The following A2M variants were observed in gnomAD, a reference collection of about 807,000 sequenced individuals.
A2M encodes the protein C3 and PZP-like alpha-2-macroglobulin domain-containing protein 5.
A2M carries 128 observed loss-of-function variants against 183.9 expected under a neutral mutation model. The observed-to-expected ratio is 0.70, with a 90% CI of 0.60 to 0.81. The LOEUF (loss-of-function observed/expected upper bound fraction) is 0.81, where lower values mean the gene tolerates loss of function less well. Ranked by LOEUF, A2M falls within the 30% of genes least tolerant of loss-of-function variation. The pLI is 0.00. For missense variants in A2M, 1,495 were observed against 1,787.6 expected (o/e 0.84, Z 2.95); for synonymous variants, 592 against 670.8 (o/e 0.88, Z 1.81).
intron 24 of A2M, 35 bp from the exon 25 acceptor site, chr12:9,079,366 T>C: frequency 6.5e-7 from 1 of 1,548,364 alleles, no homozygotes. Context: ...GCACAATGGA[T>C]TAATGTGCAT....
intron 1 of A2M, among the ~76,000 whole-genome samples, chr12:9,113,913 C>T (rs918221214): frequency 4.6e-5 from 7 of 152,112 alleles, no homozygotes; most frequent in African/African-American, 1.4e-4. Flanking sequence ...CTCAGTCATG[C>T]GGACATTACA....
Position 9,112,396 on chromosome 12 carries a change from G to T in A2M, c.411C>A (p.Ile137=), listed in dbSNP as rs369597786. The T allele has an allele frequency of 1.7e-5, 27 of 1,613,770 alleles. No individual in the cohort carries two copies. Among genetic ancestry groups the T allele is most frequent in the Non-Finnish European group, 3.4e-6 (4 of 1,179,820 alleles). Residue 137 remains isoleucine, a synonymous_variant, in exon 3 of 36, where the codon ATC becomes ATA. Transcript: ENST00000318602. ...SLVFVQTDKS[I]YKPGQTVKFR... is the part of the protein sequence containing the mutation. ...TCATACCTGTCTGCCCTGGTTTGTAGATTGATTTGTCTGTCTGGACAAAGA... is the reference window on the plus strand; with the variant it reads ...TCATACCTGTCTGCCCTGGTTTGTATATTGATTTGTCTGTCTGGACAAAGA...
Position 9,068,214 on chromosome 12 carries a change from T to G in A2M, c.4377A>C (p.Ala1459=). The G allele has an allele frequency of 6.2e-7, 1 of 1,608,906 alleles. No homozygotes were observed. The part of the protein sequence containing the change: ...VYDYYETDEF[A]IAEYNAPCSK... ...TGCAAGGAGCATTGTACTCAGCAAT[T>G]GCAAACTCATCTGAAAAAAAAAAAA... The change falls in exon 35 of 36, where the codon GCA becomes GCC. Residue 1459 remains alanine, a synonymous_variant. Coordinates refer to ENST00000318602, the MANE Select transcript of A2M (RefSeq NM_000014.6).
intron 28 of A2M, among the ~76,000 whole-genome samples, chr12:9,075,473 A>G (rs1463516203): frequency 1.3e-5 from 2 of 152,218 alleles, no homozygotes. Context: ...GAGAAACTCG[A>G]TGTGTAAATT....
At position 9,101,587 on chromosome 12, in the gene A2M, A is replaced by G. The variant is rs757177344; in HGVS notation, c.1354T>C (p.Phe452Leu). ...TGGACAAAGCTCTTGCTTGGGGAGAACACAAGATAAGCAGTGTGATGTGCC... is the reference window on the plus strand; with the variant it reads ...TGGACAAAGCTCTTGCTTGGGGAGAGCACAAGATAAGCAGTGTGATGTGCC... ...EEAHHTAYLV[F>L]SPSKSFVHLE... The change falls in exon 12 of 36, where the codon TTC (phenylalanine) becomes CTC (leucine). Residue 452 changes from phenylalanine (F) to leucine (L), a missense_variant. Transcript: ENST00000318602. 9 of 1,614,012 alleles carry G rather than the reference A, an allele frequency of 5.6e-6. No homozygotes were observed. Among genetic ancestry groups the G allele is most frequent in the Non-Finnish European group, 7.6e-6 (9 of 1,179,888 alleles).
At chr12:9,084,622 A>G (rs1257154495) in intron 22 of A2M, among the ~76,000 whole-genome samples, 2 of 152,180 alleles carry the variant, frequency 1.3e-5, no homozygotes, top group East Asian at 1.9e-4. Context: ...AAAGAGGAAC[A>G]AAGAAGCAAA....
At chr12:9,070,339 A>G (rs1056956337) in intron 32 of A2M, 149 bp downstream of exon 32, 1 of 631,540 alleles carries the variant, frequency 1.6e-6, no homozygotes, top group Middle Eastern at 3.0e-4. Context: ...ATTCATACAA[A>G]CACATGTGAT....
chr12:9,099,733 C>T (rs1937677252), intron 13 of A2M, among the ~76,000 whole-genome samples: 1 of 152,162 alleles, frequency 6.6e-6, no homozygotes, highest in Non-Finnish European at 1.5e-5. Context: ...TTCAGCTCAC[C>T]CACCTAATGT....
chr12:9,110,019 C>A lies in A2M; in HGVS notation c.521G>T (p.Arg174Leu), dbSNP rs369574498. ...CTGGAAACTCTGCCATTGTGCGATG[C>A]GATTTCCTTTGGGATCCTATATGAG... ...LVYIQDPKGNRIAQWQSFQLE... is the reference protein window; with the variant it reads ...LVYIQDPKGNLIAQWQSFQLE... Residue 174 changes from arginine (R) to leucine (L), a missense_variant, in exon 6 of 36, where the codon CGC becomes CTC. Physicochemically the swap from Arg to Leu is moderately radical, Grantham distance 102 (BLOSUM62 -2). Coordinates refer to ENST00000318602, the MANE Select transcript of A2M (RefSeq NM_000014.6). The A allele has an allele frequency of 1.9e-6, 3 of 1,611,140 alleles. No homozygotes were observed. The highest frequency in any genetic ancestry group is 2.2e-5 in the East Asian group (1 of 44,850).
chr12:9,069,874 A>AG (rs1157987134), intron 32 of A2M, 61 bp from the exon 33 acceptor site: 6 of 1,502,800 alleles, frequency 4.0e-6, no homozygotes, highest in Non-Finnish European at 5.5e-6. Context: ...GGGGATCCAG[A>AG]GAAAAAATCT....
intron 22 of A2M, among the ~76,000 whole-genome samples, chr12:9,082,054 G>A (rs1010306778): frequency 6.6e-6 from 1 of 152,172 alleles, no homozygotes; most frequent in African/African-American, 2.4e-5. Flanking sequence ...CCCCACCCAG[G>A]TAGCAGACAC....
At chr12:9,095,450 G>C in intron 16 of A2M, 89 bp downstream of exon 16, 9 of 1,278,112 alleles carry the variant, frequency 7.0e-6, no homozygotes, top group Non-Finnish European at 9.9e-6. Context: ...CCTCAACTAG[G>C]ACATGAAGGC....
At chr12:9,075,454 A>T (rs925818235) in intron 28 of A2M, among the ~76,000 whole-genome samples, 1 of 152,226 alleles carries the variant, frequency 6.6e-6, no homozygotes, top group Non-Finnish European at 1.5e-5. Flanking sequence ...CATAAAAAAA[A>T]TCCATGAGGA....
At chr12:9,084,091 A>G (rs893011816) in intron 22 of A2M, among the ~76,000 whole-genome samples, 2 of 152,186 alleles carry the variant, frequency 1.3e-5, no homozygotes, top group Non-Finnish European at 2.9e-5. Context: ...TTCATCCAGC[A>G]AAGCTGTCTT....
chr12:9,080,859 T>C (rs1343314567), intron 22 of A2M, among the ~76,000 whole-genome samples: 2 of 152,092 alleles, frequency 1.3e-5, no homozygotes, highest in Non-Finnish European at 2.9e-5. Flanking sequence ...AAAATTCATA[T>C]TAAAATGTTT....
At chr12:9,070,002 C>A (rs576984199) in intron 32 of A2M, among the ~76,000 whole-genome samples, 189 bp from the exon 33 acceptor site, 22 of 152,266 alleles carry the variant, frequency 1.4e-4, no homozygotes, top group Non-Finnish European at 2.2e-4. Context: ...GTATAACACA[C>A]GACTAATGTG....
chr12:9,077,853 T>G lies in A2M; in HGVS notation c.3124A>C (p.Thr1042Pro). ...YGRNQGNTWL[T>P]AFVLKTFAQA... is the part of the protein sequence containing the mutation. The stretch of plus-strand genomic sequence containing the variant: ...GCAAAAGTCTTCAGAACAAAGGCTG[T>G]GAGCCTGACCAGGGAGGAAGCAATC... Residue 1042 changes from threonine to proline, a missense_variant, in exon 26 of 36, where the codon ACA becomes CCA. Transcript: ENST00000318602. 1 of 1,614,142 alleles carries G rather than the reference T, an allele frequency of 6.2e-7. No individual in the cohort carries two copies. Among genetic ancestry groups the G allele is most frequent in the South Asian group, 1.1e-5 (1 of 91,082 alleles).
intron 7 of A2M, among the ~76,000 whole-genome samples, chr12:9,108,929 T>A (rs149293812): frequency 6.6e-6 from 1 of 152,332 alleles, no homozygotes; most frequent in Non-Finnish European, 1.5e-5. Flanking sequence ...TGTTGATGAT[T>A]GAATTTCCCC....
Position 9,076,765 on chromosome 12 carries a change from C to T in A2M, c.3523G>A (p.Val1175Met), listed in dbSNP as rs765910624. 2 of 1,613,904 alleles carry T rather than the reference C, an allele frequency of 1.2e-6. No individual in the cohort carries two copies. Among genetic ancestry groups the T allele is most frequent in the South Asian group, 1.1e-5 (1 of 91,078 alleles). Residue 1175 changes from valine to methionine, a missense_variant, in exon 28 of 36, where the codon GTG becomes ATG. By Grantham distance (21) the Val-to-Met change is conservative (BLOSUM62 1). Coordinates refer to ENST00000318602, the MANE Select transcript of A2M (RefSeq NM_000014.6). ...EVLKSLNEEA[V>M]KKDNSVHWER... Reference sequence around the variant, plus strand: ...TCAGGTGTGCTCTCACCTTTCTTCACAGCTTCCTCATTAAGTGACTTGAGT... The same window carrying T: ...TCAGGTGTGCTCTCACCTTTCTTCATAGCTTCCTCATTAAGTGACTTGAGT...
Sources: allele counts gnomAD v4.1 joint callset (sites outside exome capture counted in the v4.1 genomes callset), GRCh38; gene constraint gnomAD v4.1.1; transcripts MANE v1.5; gene names NCBI Gene and HGNC (gene_info 2026-07-23, HGNC 2026-07-21).